The following AFF3 variants were observed in gnomAD, a reference collection of about 807,000 sequenced individuals.
AFF3 encodes AF4/FMR2 family member 3.
A neutral mutation model predicts 129.7 loss-of-function variants in AFF3; 32 were observed. The ratio of observed to expected loss-of-function variants is 0.25; its 90% CI spans 0.19 to 0.33. The LOEUF (loss-of-function observed/expected upper bound fraction) is 0.33, where lower values mean the gene tolerates loss of function less well. AFF3 is among the 10% of genes least tolerant of loss of function. The probability of loss-of-function intolerance (pLI) is 1.00; values close to 1 mark genes in which losing one functional copy is unlikely to be tolerated. For missense variants in AFF3, 1,373 were observed against 1,592.0 expected (o/e 0.86, Z 2.34); for synonymous variants, 644 against 635.4 (o/e 1.01, Z -0.20).
intron 15 of AFF3, among the ~76,000 whole-genome samples, chr2:99,589,587 G>T (rs13029634): frequency 0.17 from 26,240 of 151,768 alleles, 2,417 homozygotes; most frequent in South Asian, 0.24. Flanking sequence ...TTTTAGTAGA[G>T]ACAGGGTTTC....
At position 99,813,996 on chromosome 2, in the gene AFF3, C is replaced by T. The variant is rs535881318; in HGVS notation, c.921+23481G>A. On this transcript the variant is annotated intron_variant, in intron 8 of 24. Transcript: ENST00000672756. ...GCCAAATACTCAAAGAAGGGGTGTACCTAGGCACAGCCAACCTTGCAATGG... is the reference window on the plus strand; with the variant it reads ...GCCAAATACTCAAAGAAGGGGTGTATCTAGGCACAGCCAACCTTGCAATGG... Among the ~76,000 whole-genome samples the T allele has an allele frequency of 9.2e-5, 14 of 152,228 alleles. No individual in the cohort carries two copies. The South Asian group carries it at 2.9e-3, about 32-fold the overall frequency.
At chr2:99,598,298 G>GGGTC (rs1679487695) in intron 14 of AFF3, among the ~76,000 whole-genome samples, 1 of 152,074 alleles carries the variant, frequency 6.6e-6, no homozygotes, top group Non-Finnish European at 1.5e-5. Context: ...TCCGTGTGTG[G>GGGTC]GGTCAACATG....
chr2:99,672,599 G>A lies in AFF3; in HGVS notation c.1092-10C>T. ...GTCATCTTCCAGCATTCTGAAAGAAGGAACAAAGAGGTACAAAGAGGTACA... is the reference window on the plus strand; with the variant it reads ...GTCATCTTCCAGCATTCTGAAAGAAAGAACAAAGAGGTACAAAGAGGTACA... On this transcript the variant is annotated splice_polypyrimidine_tract_variant and intron_variant, in intron 11 of 24. Coordinates refer to ENST00000672756, the MANE Select transcript of AFF3 (RefSeq NM_001386135.1). 2 of 1,613,662 alleles carry A rather than the reference G, an allele frequency of 1.2e-6. No individual in the cohort carries two copies. The highest frequency in any genetic ancestry group is 2.2e-5 in the East Asian group (1 of 44,874).
At chr2:100,024,060 G>T in intron 4 of AFF3, among the ~76,000 whole-genome samples, 1 of 150,376 alleles carries the variant, frequency 6.6e-6, no homozygotes, top group Non-Finnish European at 1.5e-5. Context: ...GTGAAACCCT[G>T]ACTCTACTAA....
chr2:99,837,579 G>A (rs1383950722), intron 7 of AFF3, 55 bp from the exon 8 acceptor site: 2 of 1,540,472 alleles, frequency 1.3e-6, no homozygotes, highest in Non-Finnish European at 1.8e-6. Context: ...TGACCACACA[G>A]AAGACATGCA....
intron 7 of AFF3, among the ~76,000 whole-genome samples, chr2:99,854,247 C>CAAAAAAAA (rs59998550): frequency 1.0e-5 from 1 of 97,888 alleles, no homozygotes. Flanking sequence ...CTATCTATAG[C>CAAAAAAAA]AAAAAAAAAA....
At chr2:100,082,751 A>G (rs1191022669) in intron 4 of AFF3, among the ~76,000 whole-genome samples, 1 of 152,172 alleles carries the variant, frequency 6.6e-6, no homozygotes, top group African/African-American at 2.4e-5. Context: ...TAATACTTGA[A>G]AAGCCCTTGG....
chr2:99,701,865 G>A (rs59544131), intron 11 of AFF3, among the ~76,000 whole-genome samples: 14,767 of 152,122 alleles, frequency 0.097, 760 homozygotes, highest in African/African-American at 0.13. Flanking sequence ...TCTGTTCTCC[G>A]TCTCTATAGT....
At chr2:100,037,279 T>C (rs570131047) in intron 4 of AFF3, among the ~76,000 whole-genome samples, 10 of 151,046 alleles carry the variant, frequency 6.6e-5, no homozygotes, top group South Asian at 2.1e-4. Flanking sequence ...ATAATAGATG[T>C]TTACAATACT....
At chr2:99,900,190 G>C (rs143970118) in intron 7 of AFF3, among the ~76,000 whole-genome samples, 183 of 152,270 alleles carry the variant, frequency 1.2e-3, no homozygotes, top group African/African-American at 4.3e-3. Flanking sequence ...GTTGTAGGGA[G>C]ACAGTATTAC....
chr2:99,980,294 G>A (rs1679288432), intron 7 of AFF3, among the ~76,000 whole-genome samples: 1 of 152,200 alleles, frequency 6.6e-6, no homozygotes, highest in African/African-American at 2.4e-5. Flanking sequence ...GAAGACACAA[G>A]ATGAGTCCTC....
chr2:99,708,020 G>A (rs1677563553), intron 11 of AFF3, among the ~76,000 whole-genome samples: 1 of 152,068 alleles, frequency 6.6e-6, no homozygotes, highest in African/African-American at 2.4e-5. Context: ...GAAAATACAG[G>A]ATGCCTAGTT....
chr2:100,023,259 T>G (rs1683746836), intron 4 of AFF3, among the ~76,000 whole-genome samples: 1 of 152,218 alleles, frequency 6.6e-6, no homozygotes, highest in African/African-American at 2.4e-5. Context: ...TCCAGGACAG[T>G]TAAGCGCATA....
At chr2:99,967,118 A>G (rs1399931043) in intron 7 of AFF3, among the ~76,000 whole-genome samples, 2 of 151,980 alleles carry the variant, frequency 1.3e-5, no homozygotes, top group African/African-American at 2.4e-5. Context: ...TTCTCACCCC[A>G]GCCCTTCCAT....
intron 11 of AFF3, among the ~76,000 whole-genome samples, chr2:99,686,528 G>T (rs888507227): frequency 4.6e-5 from 7 of 152,140 alleles, no homozygotes; most frequent in African/African-American, 1.7e-4. Context: ...GATTAGTTGT[G>T]AGCCAGCCAT....
intron 11 of AFF3, among the ~76,000 whole-genome samples, chr2:99,713,148 A>G (rs1350278841): frequency 6.6e-6 from 1 of 152,190 alleles, no homozygotes; most frequent in Non-Finnish European, 1.5e-5. Context: ...AAGAGTTCTA[A>G]GGAGAGGGTG....
rs915682496 is a variant in AFF3, at chr2:100,065,897, T to A, written c.53+38505A>T. On this transcript the variant is annotated intron_variant, in intron 4 of 24. Coordinates refer to ENST00000672756, the MANE Select transcript of AFF3 (RefSeq NM_001386135.1). Reference sequence around the variant, plus strand: ...AAAGAGTTTCCAAGAAAAGAAGATATAAAATTAACTTCATTTCATAATAAG... The same window carrying A: ...AAAGAGTTTCCAAGAAAAGAAGATAAAAAATTAACTTCATTTCATAATAAG... Among the ~76,000 whole-genome samples the A allele has an allele frequency of 7.2e-5, 11 of 152,326 alleles. No individual in the cohort carries two copies. In the East Asian group the frequency reaches 2.1e-3, roughly 29 times the overall value.
At chr2:99,772,212 C>T (rs558320747) in intron 8 of AFF3, among the ~76,000 whole-genome samples, 3 of 152,122 alleles carry the variant, frequency 2.0e-5, no homozygotes, top group East Asian at 1.9e-4. Context: ...GAGCCCCGGG[C>T]GAGGTGGCAG....
chr2:99,984,737 C>T (rs890833461), intron 7 of AFF3, among the ~76,000 whole-genome samples: 3 of 151,822 alleles, frequency 2.0e-5, no homozygotes, highest in Non-Finnish European at 2.9e-5. Context: ...ACAGGAACTG[C>T]TTGCTGCCTG....
Sources: gnomAD v4.1 joint callset for allele counts (sites outside exome capture counted in the v4.1 genomes callset) on GRCh38, gnomAD v4.1.1 for gene constraint, MANE v1.5 for transcripts, NCBI Gene and HGNC (gene_info 2026-07-23, HGNC 2026-07-21) for gene names.